GPC5: variants seen among roughly 807,000 people sequenced by gnomAD.
GPC5 encodes glypican-5.
In GPC5, 47 loss-of-function variants were observed where a neutral mutation model predicts 53.9. The observed-to-expected ratio is 0.87, with a 90% CI of 0.69 to 1.11. The LOEUF (loss-of-function observed/expected upper bound fraction) is 1.11, where lower values mean the gene tolerates loss of function less well. Among genes scored for constraint, GPC5 ranks in the 50% most tolerant of loss-of-function variants. GPC5 has a pLI of 0.00. For synonymous variants in GPC5, 286 were observed against 263.3 expected (o/e 1.09, Z -0.84); for missense variants, 748 against 713.1 (o/e 1.05, Z -0.56).
intron 7 of GPC5, among the ~76,000 whole-genome samples, chr13:92,530,607 C>T (rs904313763): frequency 1.3e-5 from 2 of 152,066 alleles, no homozygotes; most frequent in African/African-American, 4.8e-5. Context: ...TACTTGTGTA[C>T]CGAAGAGGAA....
intron 7 of GPC5, among the ~76,000 whole-genome samples, chr13:92,263,693 A>G (rs1345827506): frequency 6.6e-6 from 1 of 152,178 alleles, no homozygotes; most frequent in Admixed American, 6.6e-5. Flanking sequence ...GGGACAAAAT[A>G]TTAACCCATA....
At chr13:92,072,263 T>TTTA (rs1397649464) in intron 6 of GPC5, among the ~76,000 whole-genome samples, 16 of 150,304 alleles carry the variant, frequency 1.1e-4, no homozygotes, top group African/African-American at 3.6e-4. Context: ...TAATTTTAAT[T>TTTA]TTATTATTAT....
chr13:91,539,871 G>GA (rs913052199), intron 2 of GPC5, among the ~76,000 whole-genome samples: 15 of 147,492 alleles, frequency 1.0e-4, no homozygotes, highest in South Asian at 6.4e-4. Context: ...AACATAATAG[G>GA]AAAAAAAAAA....
chr13:92,600,663 A>ACTT (rs1555294094), intron 7 of GPC5, among the ~76,000 whole-genome samples: 1 of 139,220 alleles, frequency 7.2e-6, no homozygotes, highest in African/African-American at 2.7e-5. Flanking sequence ...ACACCCAGCT[A>ACTT]TTTTTTTTTT....
intron 1 of GPC5, among the ~76,000 whole-genome samples, chr13:91,426,839 C>G (rs1350113901): frequency 6.6e-6 from 1 of 152,144 alleles, no homozygotes; most frequent in Non-Finnish European, 1.5e-5. Context: ...TGGCAGTACC[C>G]ACACAGACAC....
intron 7 of GPC5, among the ~76,000 whole-genome samples, chr13:92,377,247 C>A (rs562331666): frequency 5.9e-5 from 9 of 152,250 alleles, no homozygotes; most frequent in African/African-American, 2.2e-4. Flanking sequence ...GTGTTCCCTA[C>A]TATACTGTGA....
chr13:92,491,411 A>T (rs1390612611), intron 7 of GPC5, among the ~76,000 whole-genome samples: 3 of 152,138 alleles, frequency 2.0e-5, no homozygotes, highest in Non-Finnish European at 2.9e-5. Flanking sequence ...TGTGCAATTA[A>T]TAGGCATTTT....
At chr13:92,858,196 T>C (rs1390185966) in intron 7 of GPC5, among the ~76,000 whole-genome samples, 1 of 152,080 alleles carries the variant, frequency 6.6e-6, no homozygotes, top group Non-Finnish European at 1.5e-5. Flanking sequence ...AGGGACCTGG[T>C]TGGAGGTAAT....
At chr13:92,595,671 G>A (rs1165497481) in intron 7 of GPC5, among the ~76,000 whole-genome samples, 1 of 149,508 alleles carries the variant, frequency 6.7e-6, no homozygotes, top group Admixed American at 6.7e-5. Flanking sequence ...GGGAGGCTGA[G>A]GCAGGAGAAT....
intron 7 of GPC5, among the ~76,000 whole-genome samples, chr13:92,273,468 G>T (rs2042853846): frequency 6.6e-6 from 1 of 151,996 alleles, no homozygotes; most frequent in South Asian, 2.1e-4. Flanking sequence ...CAGGGATAAG[G>T]TGTGTAAAGT....
chr13:92,748,844 TTTAA>T (rs763759240), intron 7 of GPC5, among the ~76,000 whole-genome samples: 15 of 152,252 alleles, frequency 9.9e-5, no homozygotes, highest in Non-Finnish European at 1.8e-4. Flanking sequence ...GGAGTAGACA[TTTAA>T]TTATTTGCTG....
At chr13:91,842,008 T>C (rs990502643) in intron 5 of GPC5, among the ~76,000 whole-genome samples, 1 of 152,186 alleles carries the variant, frequency 6.6e-6, no homozygotes, top group African/African-American at 2.4e-5. Context: ...TTCTACCTTT[T>C]CCCCATATCT....
chr13:92,015,954 T>A (rs2040703153), intron 6 of GPC5, among the ~76,000 whole-genome samples: 1 of 152,268 alleles, frequency 6.6e-6, no homozygotes, highest in Admixed American at 6.5e-5. Flanking sequence ...TGCTTCTGGA[T>A]GATGGGTGCA....
chr13:91,736,536 G>A (rs548941623), intron 4 of GPC5, among the ~76,000 whole-genome samples: 2 of 150,986 alleles, frequency 1.3e-5, no homozygotes, highest in East Asian at 3.9e-4. Context: ...ATAAATGACT[G>A]AGAACAGTTG....
intron 2 of GPC5, among the ~76,000 whole-genome samples, chr13:91,648,161 C>G (rs1207345590): frequency 2.0e-5 from 3 of 152,174 alleles, no homozygotes; most frequent in Non-Finnish European, 4.4e-5. Flanking sequence ...CAGTGCTATC[C>G]TGATTCCAGG....
chr13:92,221,167 T>A (rs2042445654), intron 7 of GPC5, among the ~76,000 whole-genome samples: 1 of 152,216 alleles, frequency 6.6e-6, no homozygotes, highest in Non-Finnish European at 1.5e-5. Context: ...TTCTGCCCTA[T>A]ACTGCTAGGG....
chr13:92,268,382 TA>T (rs2042816973), intron 7 of GPC5, among the ~76,000 whole-genome samples: 1 of 151,720 alleles, frequency 6.6e-6, no homozygotes, highest in Non-Finnish European at 1.5e-5. Context: ...GGAAAAATGA[TA>T]TAGGCACAGA....
intron 7 of GPC5, among the ~76,000 whole-genome samples, chr13:92,284,064 T>A (rs78718966): frequency 6.6e-6 from 1 of 152,172 alleles, no homozygotes; most frequent in African/African-American, 2.4e-5. Context: ...ATATCACCAC[T>A]GATCCCACAG....
intron 7 of GPC5, among the ~76,000 whole-genome samples, chr13:92,300,198 A>G (rs2043066079): frequency 6.6e-6 from 1 of 152,166 alleles, no homozygotes; most frequent in African/African-American, 2.4e-5. Context: ...GTGAGGGTAA[A>G]CACATACACA....
Sources: allele counts gnomAD v4.1 joint callset (sites outside exome capture counted in the v4.1 genomes callset), GRCh38; gene constraint gnomAD v4.1.1; transcripts MANE v1.5; gene names NCBI Gene and HGNC (gene_info 2026-07-23, HGNC 2026-07-21).